The following PHACTR1 variants were observed in gnomAD, a reference collection of about 807,000 sequenced individuals.
PHACTR1 encodes RPEL repeat containing 1.
PHACTR1 carries 16 observed loss-of-function variants against 69.2 expected under a neutral mutation model. That is an observed-to-expected ratio of 0.23 (90% CI 0.16 to 0.35). The LOEUF (loss-of-function observed/expected upper bound fraction) is 0.35, where lower values mean the gene tolerates loss of function less well. Among genes scored for constraint, PHACTR1 ranks in the 10% least tolerant of loss-of-function variants. The pLI, the probability that PHACTR1 is intolerant of heterozygous loss-of-function variation, is 1.00. For missense variants in PHACTR1, 510 were observed against 734.7 expected (o/e 0.69, Z 3.54); for synonymous variants, 312 against 284.5 (o/e 1.10, Z -0.97).
At chr6:12,834,410 C>G (rs1040225305) in intron 4 of PHACTR1, among the ~76,000 whole-genome samples, 3 of 152,138 alleles carry the variant, frequency 2.0e-5, no homozygotes, top group Non-Finnish European at 2.9e-5. Flanking sequence ...GTTGACATTT[C>G]TGCAGATTGG....
chr6:12,832,929 G>A (rs542332642), intron 4 of PHACTR1, among the ~76,000 whole-genome samples: 5 of 152,290 alleles, frequency 3.3e-5, no homozygotes, highest in Admixed American at 2.6e-4. Context: ...CATGAGATAA[G>A]CAACCTGCAG....
intron 4 of PHACTR1, among the ~76,000 whole-genome samples, chr6:12,835,737 G>A (rs769278891): frequency 2.0e-5 from 3 of 152,018 alleles, no homozygotes; most frequent in African/African-American, 2.4e-5. Flanking sequence ...TAGATAGGAC[G>A]GATGTTTTAT....
At position 13,206,269 on chromosome 6, in the gene PHACTR1, A is replaced by G. The variant is rs148883067; in HGVS notation, c.986+133A>G. The G allele has an allele frequency of 2.3e-4, 239 of 1,026,222 alleles. 1 individual carries two copies. The African/African-American group carries it at 3.5e-3, about 15-fold the overall frequency. 63.6% of individuals were successfully genotyped at this position (1,026,222 alleles called of 1,614,324 possible). A position where few individuals can be genotyped will look rare whatever the true frequency, so the allele number is the denominator to read the frequency against. The stretch of plus-strand genomic sequence containing the variant: ...CTGGGGGAAAATGTTTGAAAGTAAA[A>G]TGAGACAAAAAACTGAAGGTCAAAG... On this transcript the variant is annotated intron_variant, in intron 8 of 14. Transcript: ENST00000332995.
intron 10 of PHACTR1, chr6:13,267,567 C>T (rs1158738336): frequency 6.6e-6 from 1 of 151,998 alleles, no homozygotes; most frequent in Admixed American, 6.5e-5. Flanking sequence ...GTCTAAGTCA[C>T]GCCCAACTTG....
chr6:12,979,347 G>A (rs1467040966), intron 4 of PHACTR1, among the ~76,000 whole-genome samples: 3 of 152,186 alleles, frequency 2.0e-5, no homozygotes, highest in African/African-American at 7.2e-5. Flanking sequence ...AAACATGGCG[G>A]TGCTGCACCA....
chr6:13,025,995 G>C (rs1449817072), intron 4 of PHACTR1, among the ~76,000 whole-genome samples: 1 of 152,158 alleles, frequency 6.6e-6, no homozygotes, highest in Non-Finnish European at 1.5e-5. Flanking sequence ...TTATAAACAA[G>C]AGTTGAGGAC....
At chr6:13,261,021 C>T (rs542062266) in intron 10 of PHACTR1, among the ~76,000 whole-genome samples, 2 of 152,270 alleles carry the variant, frequency 1.3e-5, no homozygotes, top group African/African-American at 4.8e-5. Context: ...TACCGGATGC[C>T]AACAGCACCC....
intron 5 of PHACTR1, among the ~76,000 whole-genome samples, chr6:13,076,116 G>T (rs1019828310): frequency 7.9e-5 from 11 of 138,806 alleles, no homozygotes; most frequent in Non-Finnish European, 1.5e-4. Flanking sequence ...AAATTCCTTT[G>T]TTCGACAAAC....
At chr6:12,945,138 G>T (rs1462814991) in intron 4 of PHACTR1, among the ~76,000 whole-genome samples, 1 of 152,068 alleles carries the variant, frequency 6.6e-6, no homozygotes. Context: ...ACGAGCAGTT[G>T]CCCCTGACTA....
At chr6:13,183,079 C>T (rs1762396867) in intron 7 of PHACTR1, among the ~76,000 whole-genome samples, 2 of 152,000 alleles carry the variant, frequency 1.3e-5, no homozygotes, top group South Asian at 4.1e-4. Context: ...AGTCTTAGTC[C>T]CAGTATGCCA....
intron 4 of PHACTR1, among the ~76,000 whole-genome samples, chr6:12,902,064 A>G (rs1026699351): frequency 6.6e-6 from 1 of 152,094 alleles, no homozygotes; most frequent in African/African-American, 2.4e-5. Context: ...CCCTACATGC[A>G]CAGGACATCC....
At position 13,245,114 on chromosome 6, in the gene PHACTR1, T is replaced by C. The variant is rs538998584; in HGVS notation, c.1391+14921T>C. Among the ~76,000 whole-genome samples the C allele has an allele frequency of 6.6e-4, 100 of 152,342 alleles. No individual in the cohort carries two copies. Among genetic ancestry groups the C allele is most frequent in the African/African-American group, 2.4e-3 (98 of 41,570 alleles). ...ATTTAGGTTGATTCCATGTCTTCAC[T>C]GTGGGCAGTGAATAGTGCTGTGATG... On this transcript the variant is annotated intron_variant, in intron 10 of 14. Transcript: ENST00000332995. This position sits in a 1 kb window ranked among gnomAD's most constrained non-coding sequence, Gnocchi z 4.1.
chr6:13,194,274 G>A (rs1034171250), intron 7 of PHACTR1, among the ~76,000 whole-genome samples: 4 of 151,944 alleles, frequency 2.6e-5, no homozygotes, highest in South Asian at 4.2e-4. Flanking sequence ...GTGGTGGCGC[G>A]TGCCTGTAGT....
At chr6:13,054,689 A>G (rs2127739031) in intron 5 of PHACTR1, among the ~76,000 whole-genome samples, 1 of 152,298 alleles carries the variant, frequency 6.6e-6, no homozygotes, top group South Asian at 2.1e-4. Context: ...TGAGTGCCCT[A>G]CCTGCATGAC....
At chr6:13,272,408 C>G (rs149607919) in intron 10 of PHACTR1, 2 of 172,580 alleles carry the variant, frequency 1.2e-5, no homozygotes, top group African/African-American at 4.8e-5. Context: ...TCTCACATGT[C>G]CCCGGGGCCA....
At chr6:13,249,517 A>G (rs1341943214) in intron 10 of PHACTR1, among the ~76,000 whole-genome samples, 2 of 152,120 alleles carry the variant, frequency 1.3e-5, no homozygotes, top group African/African-American at 2.4e-5. Flanking sequence ...GTGGTGATTA[A>G]GCCGGGCGTG....
At chr6:12,722,096 T>A (rs112254077) in intron 3 of PHACTR1, among the ~76,000 whole-genome samples, 4,439 of 152,312 alleles carry the variant, frequency 0.029, 91 homozygotes, top group Non-Finnish European at 0.043. Flanking sequence ...AGCCCCAATT[T>A]GATTACTTCT....
At chr6:13,226,639 T>C (rs1278668979) in intron 8 of PHACTR1, among the ~76,000 whole-genome samples, 1 of 152,218 alleles carries the variant, frequency 6.6e-6, no homozygotes, top group African/African-American at 2.4e-5. Context: ...AAAAAAGGGT[T>C]CTAAGTTACT....
chr6:13,278,030 T>C (rs2119485), intron 11 of PHACTR1: 211,977 of 310,908 alleles, frequency 0.68, 75,103 homozygotes, highest in Non-Finnish European at 0.77. Context: ...TGAAACCCCA[T>C]GTGATGTAAA....
Sources: gnomAD v4.1 joint callset for allele counts (sites outside exome capture counted in the v4.1 genomes callset) on GRCh38, gnomAD v4.1.1 for gene constraint, Gnocchi (gnomAD v3.1) non-coding constraint, MANE v1.5 for transcripts, NCBI Gene and HGNC (gene_info 2026-07-23, HGNC 2026-07-21) for gene names.